The following MEF2C variants were observed in gnomAD, a reference collection of about 807,000 sequenced individuals.
MEF2C encodes the protein myocyte-specific enhancer factor 2C.
MEF2C carries 6 observed loss-of-function variants against 50.5 expected under a neutral mutation model. The observed-to-expected ratio is 0.12, with a 90% confidence interval of 0.07 to 0.23. The LOEUF (loss-of-function observed/expected upper bound fraction) is 0.23. MEF2C is among the 10% of genes least tolerant of loss of function. MEF2C has a pLI of 1.00. For missense variants in MEF2C, 276 were observed against 605.0 expected, an observed-to-expected ratio of 0.46 and a Z score of 5.70; for synonymous variants, 183 against 228.0, an observed-to-expected ratio of 0.80 and a Z score of 1.78.
At chr5:88,818,188 A>G (rs1264767192) in intron 2 of MEF2C, among the ~76,000 whole-genome samples, 2 of 152,044 alleles carry the variant, frequency 1.3e-5, no homozygotes, top group African/African-American at 2.4e-5. Context: ...ATATTAAAAC[A>G]TCACTGTGCA....
chr5:88,774,858 A>T (rs975215369), intron 3 of MEF2C, among the ~76,000 whole-genome samples: 7 of 152,196 alleles, frequency 4.6e-5, no homozygotes, highest in African/African-American at 1.7e-4. Context: ...CTGCAAACAC[A>T]CTGACATCAT....
intron 1 of MEF2C, among the ~76,000 whole-genome samples, chr5:88,882,431 G>T (rs1033374128): frequency 1.3e-5 from 2 of 152,170 alleles, no homozygotes; most frequent in Non-Finnish European, 2.9e-5. Context: ...GGAAGGAAAT[G>T]CACAAAGGTA....
chr5:88,734,410 C>G (rs981601698), intron 6 of MEF2C: 1 of 985,108 alleles, frequency 1.0e-6, no homozygotes, highest in Admixed American at 6.2e-5. Flanking sequence ...AACTAAAACC[C>G]CAGCTCGGTA....
rs557189018 is a variant in MEF2C at position 88,777,426 on chromosome 5, C to T, written c.259-16098G>A. ...AATCTACAGATGAAAAAAAGAGGCA[C>T]ACAGTGGCCCAAGAACTTGCTGAAG... On this transcript the variant is annotated intron_variant, in intron 3 of 10. Transcript: ENST00000504921. Among the ~76,000 whole-genome samples, 243 of 152,244 alleles carry T rather than the reference C, an allele frequency of 1.6e-3. 3 individuals carry two copies. Among genetic ancestry groups the T allele is most frequent in the African/African-American group, 5.4e-3 (225 of 41,538 alleles).
intron 1 of MEF2C, among the ~76,000 whole-genome samples, chr5:88,830,219 A>T (rs1261533365): frequency 6.6e-6 from 1 of 152,026 alleles, no homozygotes; most frequent in Non-Finnish European, 1.5e-5. Context: ...AGGGAAATAC[A>T]TCAATTTTCC....
chr5:88,737,519 T>C, intron 6 of MEF2C: 1 of 985,360 alleles, frequency 1.0e-6, no homozygotes, highest in South Asian at 4.7e-5. Context: ...TTGCCACAGG[T>C]TGTCGTTATA....
chr5:88,897,266 T>C (rs1430737538), intron 1 of MEF2C, among the ~76,000 whole-genome samples: 1 of 152,228 alleles, frequency 6.6e-6, no homozygotes, highest in Non-Finnish European at 1.5e-5. Context: ...TTGTGAAGGA[T>C]TTATGTTCAT....
In MEF2C at chr5:88,749,786, T is replaced by G. The variant is rs143036656; in HGVS notation, c.590-669A>C. On this transcript the variant is annotated intron_variant, in intron 5 of 10. Coordinates refer to ENST00000504921, the MANE Select transcript of MEF2C (RefSeq NM_002397.5). ...TGGCTCATGCCTGTAATCCCAGCAC[T>G]TTGGGAGGCCCAGGTGGGCGGATCA... 2.5e-3 allele frequency among the ~76,000 whole-genome samples: 380 copies of G among 152,276 alleles called. 1 individual carries two copies. Among genetic ancestry groups the G allele is most frequent in the African/African-American group, 8.9e-3 (368 of 41,566 alleles).
At chr5:88,845,693 A>G (rs1012591063) in intron 1 of MEF2C, among the ~76,000 whole-genome samples, 7 of 152,206 alleles carry the variant, frequency 4.6e-5, no homozygotes, top group African/African-American at 1.7e-4. Context: ...ACACATTTTT[A>G]TCTTACATAA....
intron 4 of MEF2C, among the ~76,000 whole-genome samples, chr5:88,759,629 A>C (rs942506705): frequency 3.9e-5 from 6 of 152,160 alleles, no homozygotes; most frequent in Non-Finnish European, 4.4e-5. Context: ...ATAATACTAA[A>C]TACTCCATTT....
chr5:88,724,192 A>G (rs1757578767), intron 10 of MEF2C, among the ~76,000 whole-genome samples: 1 of 152,196 alleles, frequency 6.6e-6, no homozygotes, highest in Non-Finnish European at 1.5e-5. Context: ...TTACTAATGT[A>G]TGTAATTATG....
intron 6 of MEF2C, chr5:88,743,805 C>A: frequency 1.0e-6 from 1 of 985,146 alleles, no homozygotes; most frequent in Non-Finnish European, 1.2e-6. Context: ...AGTGACAATG[C>A]TTGATAACCA....
At chr5:88,746,381 T>C (rs1372898996) in intron 6 of MEF2C, 5 of 385,962 alleles carry the variant, frequency 1.3e-5, no homozygotes, top group African/African-American at 2.2e-5. Flanking sequence ...TTAGTATTTA[T>C]AGGCACAAAA....
chr5:88,841,506 C>CAA (rs34552373), intron 1 of MEF2C, among the ~76,000 whole-genome samples: 4 of 98,278 alleles, frequency 4.1e-5, no homozygotes, highest in East Asian at 3.0e-4. Flanking sequence ...AACTTTGTCT[C>CAA]AAAAAAAAAA....
In MEF2C at chr5:88,761,795, T is replaced by C. The variant is rs543127642; in HGVS notation, c.259-467A>G. The C allele has an allele frequency of 4.2e-4, 68 of 160,994 alleles. 1 individual carries two copies. The South Asian group carries it at 0.012, about 28-fold the overall frequency. The allele number at this position is 160,994 out of a possible 1,614,324, so 10.0% of individuals were successfully genotyped here. A position where few individuals can be genotyped will look rare whatever the true frequency, so the allele number is the denominator to read the frequency against. Reference sequence around the variant, plus strand: ...AAACTAATGGTTGGCATTAGTGGTGTCCTGTCCCCACAGCCTCCACTTCTG... The same window carrying C: ...AAACTAATGGTTGGCATTAGTGGTGCCCTGTCCCCACAGCCTCCACTTCTG... On this transcript the variant is annotated intron_variant, in intron 3 of 10. Transcript: ENST00000504921.
At chr5:88,896,958 C>CACAG (rs1165204181) in intron 1 of MEF2C, among the ~76,000 whole-genome samples, 2 of 151,976 alleles carry the variant, frequency 1.3e-5, no homozygotes, top group Admixed American at 1.3e-4. Context: ...CACACACACA[C>CACAG]ACACACACGC....
intron 3 of MEF2C, among the ~76,000 whole-genome samples, chr5:88,773,711 A>C (rs1240348362): frequency 6.6e-6 from 1 of 152,226 alleles, no homozygotes; most frequent in Non-Finnish European, 1.5e-5. Flanking sequence ...AGGCTCAGGC[A>C]GACTAAGCAA....
At chr5:88,738,288 C>T (rs1399521455) in intron 6 of MEF2C, 1 of 984,446 alleles carries the variant, frequency 1.0e-6, no homozygotes. Flanking sequence ...TATTAGCAAT[C>T]GCTAACACAG....
chr5:88,817,711 T>C (rs1194774353), intron 2 of MEF2C: 1 of 151,990 alleles, frequency 6.6e-6, no homozygotes, highest in African/African-American at 2.4e-5. Context: ...AATATATTTC[T>C]TTCTTAACTT....
Sources: gnomAD v4.1 joint callset for allele counts (sites outside exome capture counted in the v4.1 genomes callset) on GRCh38, gnomAD v4.1.1 for gene constraint, MANE v1.5 for transcripts, NCBI Gene and HGNC (gene_info 2026-07-23, HGNC 2026-07-21) for gene names.